CADPS: variants seen among roughly 807,000 people sequenced by gnomAD.
CADPS encodes the protein calcium dependent secretion activator.
A neutral mutation model predicts 167.3 loss-of-function variants in CADPS; 57 were observed. The observed-to-expected ratio is 0.34, with a 90% CI of 0.28 to 0.42. CADPS has a LOEUF of 0.42. CADPS is among the 20% of genes least tolerant of loss of function. The probability of loss-of-function intolerance (pLI) is 1.00; values close to 1 mark genes in which losing one functional copy is unlikely to be tolerated. For missense variants in CADPS, 1,414 were observed against 1,738.1 expected (o/e 0.81, Z 3.32); for synonymous variants, 676 against 635.3 (o/e 1.06, Z -0.96).
intron 1 of CADPS, among the ~76,000 whole-genome samples, chr3:62,793,617 A>G (rs2093138594): frequency 6.6e-6 from 1 of 152,188 alleles, no homozygotes; most frequent in African/African-American, 2.4e-5. Flanking sequence ...CAGTTATCTC[A>G]TATTGATTAG....
chr3:62,480,225 A>G (rs185615443), intron 22 of CADPS, among the ~76,000 whole-genome samples: 92 of 152,312 alleles, frequency 6.0e-4, no homozygotes, highest in African/African-American at 2.1e-3. Flanking sequence ...AATTAATTGA[A>G]CGGAGACCAT....
Position 62,556,303 on chromosome 3 carries a change from T to C in CADPS, c.1753+1102A>G, listed in dbSNP as rs185060371. ...GCATTCTGCTCTGGCAAGTAGCAAA[T>C]AACATATGAAAGACCGAAGGGGTGG... On this transcript the variant is annotated intron_variant, in intron 10 of 29. Coordinates refer to ENST00000383710, the MANE Select transcript of CADPS (RefSeq NM_003716.4). Among the ~76,000 whole-genome samples the C allele has an allele frequency of 3.4e-3, 521 of 152,318 alleles. 5 individuals are homozygous for C. Among genetic ancestry groups the C allele is most frequent in the African/African-American group, 0.012 (492 of 41,566 alleles).
intron 3 of CADPS, among the ~76,000 whole-genome samples, chr3:62,741,192 T>C (rs2080157931): frequency 6.6e-6 from 1 of 152,178 alleles, no homozygotes; most frequent in African/African-American, 2.4e-5. Context: ...CTATCCCAGC[T>C]GTACAAGGAA....
chr3:62,730,469 C>T (rs1329368013), intron 3 of CADPS, among the ~76,000 whole-genome samples: 1 of 152,190 alleles, frequency 6.6e-6, no homozygotes, highest in African/African-American at 2.4e-5. Context: ...ATACTCCTCA[C>T]CCTATCTCAC....
At chr3:62,553,418 G>A (rs905567039) in intron 10 of CADPS, among the ~76,000 whole-genome samples, 2 of 152,196 alleles carry the variant, frequency 1.3e-5, no homozygotes, top group Non-Finnish European at 2.9e-5. Flanking sequence ...TGGGGAAGGT[G>A]GTAACTAGCC....
intron 17 of CADPS, among the ~76,000 whole-genome samples, chr3:62,510,950 C>G (rs938854892): frequency 6.6e-6 from 1 of 152,156 alleles, no homozygotes; most frequent in East Asian, 1.9e-4. Flanking sequence ...AGCTTCAAAC[C>G]CATCTCTGCT....
At chr3:62,763,296 GT>G (rs1204021935) in intron 2 of CADPS, among the ~76,000 whole-genome samples, 1 of 152,146 alleles carries the variant, frequency 6.6e-6, no homozygotes, top group African/African-American at 2.4e-5. Context: ...TGCTAAACTG[GT>G]AGGATGTGCC....
chr3:62,857,213 A>G (rs76511483), intron 1 of CADPS, among the ~76,000 whole-genome samples: 1 of 152,132 alleles, frequency 6.6e-6, no homozygotes, highest in African/African-American at 2.4e-5. Context: ...TATGTAAAAA[A>G]GAAATGCAAA....
At chr3:62,607,228 C>G (rs1021904713) in intron 6 of CADPS, among the ~76,000 whole-genome samples, 1 of 152,198 alleles carries the variant, frequency 6.6e-6, no homozygotes, top group Non-Finnish European at 1.5e-5. Context: ...ACTTTAGTGA[C>G]TTGAAAATGA....
At chr3:62,754,533 T>C (rs898655560) in intron 2 of CADPS, among the ~76,000 whole-genome samples, 61 of 152,298 alleles carry the variant, frequency 4.0e-4, no homozygotes, top group African/African-American at 1.4e-3. Flanking sequence ...CTCTGTTATG[T>C]AAGCCAGACT....
intron 8 of CADPS, among the ~76,000 whole-genome samples, chr3:62,583,100 C>G (rs914425419): frequency 6.6e-6 from 1 of 151,856 alleles, no homozygotes; most frequent in Non-Finnish European, 1.5e-5. Flanking sequence ...AGGACAGATA[C>G]ATTCATTCAT....
At chr3:62,760,770 C>T (rs2085204022) in intron 2 of CADPS, among the ~76,000 whole-genome samples, 1 of 152,060 alleles carries the variant, frequency 6.6e-6, no homozygotes, top group African/African-American at 2.4e-5. Context: ...GCCAGTGTGA[C>T]CTGATTTATA....
intron 1 of CADPS, among the ~76,000 whole-genome samples, chr3:62,857,950 G>T (rs1458115935): frequency 2.0e-5 from 3 of 152,010 alleles, no homozygotes; most frequent in Non-Finnish European, 4.4e-5. Context: ...TATATCTAGG[G>T]AGTTAGGAAG....
intron 6 of CADPS, among the ~76,000 whole-genome samples, chr3:62,599,705 TTATATAA>T (rs1229799652): frequency 3.7e-5 from 1 of 26,962 alleles, no homozygotes; most frequent in Non-Finnish European, 6.2e-5. Context: ...AATATATATA[TTATATAA>T]TATATAATAT....
intron 3 of CADPS, among the ~76,000 whole-genome samples, chr3:62,693,386 T>C (rs1179982763): frequency 6.6e-6 from 1 of 152,108 alleles, no homozygotes; most frequent in African/African-American, 2.4e-5. Flanking sequence ...TGCTTATCAA[T>C]TGTGTATACA....
At chr3:62,518,394 G>C in intron 13 of CADPS, 144 bp from the exon 14 acceptor site, 1 of 628,550 alleles carries the variant, frequency 1.6e-6, no homozygotes, top group South Asian at 2.1e-5. Context: ...GCTATTCAGG[G>C]CTAGCTTCCA....
intron 4 of CADPS, among the ~76,000 whole-genome samples, chr3:62,653,436 T>C (rs1431599331): frequency 6.6e-6 from 1 of 152,190 alleles, no homozygotes; most frequent in African/African-American, 2.4e-5. Context: ...CCTCCAGAAC[T>C]GTGAGAAACA....
chr3:62,620,119 T>G (rs1295354648), intron 6 of CADPS, among the ~76,000 whole-genome samples: 3 of 152,132 alleles, frequency 2.0e-5, no homozygotes, highest in African/African-American at 7.2e-5. Flanking sequence ...GTTCATATCA[T>G]TAGGTTTCAT....
chr3:62,698,177 C>G (rs1222516925), intron 3 of CADPS, among the ~76,000 whole-genome samples: 3 of 152,104 alleles, frequency 2.0e-5, no homozygotes, highest in Non-Finnish European at 4.4e-5. Context: ...AAGTATCATT[C>G]AGAGAGAGAT....
Sources: gnomAD v4.1 joint callset for allele counts (sites outside exome capture counted in the v4.1 genomes callset) on GRCh38, gnomAD v4.1.1 for gene constraint, MANE v1.5 for transcripts, NCBI Gene and HGNC (gene_info 2026-07-23, HGNC 2026-07-21) for gene names.